The following RFX7 variants were observed in gnomAD, a reference collection of about 807,000 sequenced individuals.
RFX7 encodes the protein regulatory factor X7, also known as DNA-binding protein RFX7.
Under a neutral mutation model 111.8 loss-of-function variants are expected in RFX7, and 26 were observed. The ratio of observed to expected loss-of-function variants is 0.23; its 90% CI spans 0.17 to 0.32. RFX7 has a LOEUF of 0.32. Among genes scored for constraint, RFX7 ranks in the 10% least tolerant of loss-of-function variants. The probability of loss-of-function intolerance (pLI) is 1.00; values close to 1 mark genes in which losing one functional copy is unlikely to be tolerated. For synonymous variants in RFX7, 624 were observed against 624.4 expected (o/e 1.00, Z 0.01); for missense variants, 1,573 against 1,772.9 (o/e 0.89, Z 2.02).
chr15:56,102,503 T>C (rs2140527982), intron 6 of RFX7, among the ~76,000 whole-genome samples: 1 of 152,316 alleles, frequency 6.6e-6, no homozygotes, highest in South Asian at 2.1e-4. Context: ...CTGTTATAAA[T>C]TTTATGAATA....
In RFX7 at chr15:56,094,088, C is replaced by T. The variant is rs183583606; in HGVS notation, c.3640G>A (p.Ala1214Thr). The T allele has an allele frequency of 6.0e-4, 972 of 1,613,914 alleles. 1 individual carries two copies. The highest frequency in any genetic ancestry group is 7.1e-4 in the Non-Finnish European group (843 of 1,179,868). ...VHVFTNVHTD[A>T]CANNIAQRSQ... ...CTTTGAGCTATGTTGTTGGCACATGCGTCTGTGTGAACATTTGTGAAAACA... is the reference window on the plus strand; with the variant it reads ...CTTTGAGCTATGTTGTTGGCACATGTGTCTGTGTGAACATTTGTGAAAACA... The change falls in exon 10 of 10, where the codon GCA becomes ACA. Residue 1214 changes from alanine to threonine, a missense_variant. Physicochemically the swap from Ala to Thr is moderately conservative, Grantham distance 58. Around this residue, in one of 7 missense-constraint regions of RFX7, gnomAD observed 411 missense variants for 478.1 expected, o/e 0.86. Transcript: ENST00000559447.
At chr15:56,243,350 C>T (rs1204632220) in intron 1 of RFX7, 63 bp from the exon 2 acceptor site, 1 of 746,522 alleles carries the variant, frequency 1.3e-6, no homozygotes, top group African/African-American at 2.5e-5. Context: ...AGGGAAGAGA[C>T]CGGGAGGGGA....
intron 5 of RFX7, among the ~76,000 whole-genome samples, chr15:56,114,588 A>G (rs769087313): frequency 1.3e-5 from 2 of 152,294 alleles, no homozygotes; most frequent in South Asian, 2.1e-4. Context: ...TCATACTAAT[A>G]TATCACCTTT....
intron 2 of RFX7, among the ~76,000 whole-genome samples, chr15:56,199,133 A>C (rs1272691959): frequency 2.0e-5 from 3 of 152,206 alleles, no homozygotes; most frequent in Non-Finnish European, 2.9e-5. Context: ...GTTGATTTAA[A>C]CTGTGAAAAA....
chr15:56,118,640 G>C (rs72736494), intron 5 of RFX7, among the ~76,000 whole-genome samples: 2,976 of 152,284 alleles, frequency 0.02, 68 homozygotes, highest in Admixed American at 0.063. Context: ...ATTGGGAATA[G>C]TGCTGGGATA....
intron 2 of RFX7, among the ~76,000 whole-genome samples, chr15:56,188,934 G>A (rs565829279): frequency 6.6e-6 from 1 of 152,186 alleles, no homozygotes; most frequent in Non-Finnish European, 1.5e-5. Flanking sequence ...CGGGGTTCAA[G>A]TGATTCTCCT....
intron 5 of RFX7, among the ~76,000 whole-genome samples, chr15:56,105,917 G>A: frequency 6.6e-6 from 1 of 152,178 alleles, no homozygotes; most frequent in East Asian, 1.9e-4. Context: ...TCTCATTGGT[G>A]TAGAGAAATA....
intron 3 of RFX7, among the ~76,000 whole-genome samples, chr15:56,146,860 C>CA (rs1291674513): frequency 9.9e-5 from 15 of 151,560 alleles, no homozygotes; most frequent in African/African-American, 2.4e-4. Context: ...ATAAAGCAAA[C>CA]AAAAAAAATG....
chr15:56,155,108 T>G (rs1462870718), intron 3 of RFX7, among the ~76,000 whole-genome samples: 1 of 152,080 alleles, frequency 6.6e-6, no homozygotes, highest in Non-Finnish European at 1.5e-5. Flanking sequence ...ATGGCGATCA[T>G]TAAAAAGTCA....
chr15:56,161,249 A>G (rs1226688391), intron 3 of RFX7, among the ~76,000 whole-genome samples: 1 of 152,072 alleles, frequency 6.6e-6, no homozygotes, highest in Non-Finnish European at 1.5e-5. Context: ...AATTTACTGC[A>G]ACCTAAAAAC....
At chr15:56,127,720 G>A (rs1213072667) in intron 5 of RFX7, among the ~76,000 whole-genome samples, 1 of 151,670 alleles carries the variant, frequency 6.6e-6, no homozygotes, top group Non-Finnish European at 1.5e-5. Context: ...GCTAATTTTT[G>A]TATTTTCAGT....
intron 5 of RFX7, among the ~76,000 whole-genome samples, chr15:56,134,214 C>T (rs553618429): frequency 6.6e-6 from 1 of 152,208 alleles, no homozygotes; most frequent in Non-Finnish European, 1.5e-5. Context: ...CTTAACTTCT[C>T]TAGGTTTCAA....
At chr15:56,222,432 A>C (rs1055786321) in intron 2 of RFX7, among the ~76,000 whole-genome samples, 1 of 152,176 alleles carries the variant, frequency 6.6e-6, no homozygotes, top group African/African-American at 2.4e-5. Flanking sequence ...TTCAATAATC[A>C]TATCTTCAAA....
At chr15:56,226,133 T>A (rs1402838339) in intron 2 of RFX7, among the ~76,000 whole-genome samples, 1 of 152,142 alleles carries the variant, frequency 6.6e-6, no homozygotes, top group Non-Finnish European at 1.5e-5. Flanking sequence ...CTACAAACAC[T>A]CTGTACTACA....
intron 3 of RFX7, among the ~76,000 whole-genome samples, chr15:56,164,150 C>A (rs1280799219): frequency 6.6e-6 from 1 of 152,202 alleles, no homozygotes; most frequent in East Asian, 1.9e-4. Context: ...AAAGAGAAAA[C>A]AAATACCTAA....
chr15:56,125,023 T>C (rs182717344), intron 5 of RFX7, among the ~76,000 whole-genome samples: 1 of 152,208 alleles, frequency 6.6e-6, no homozygotes. Flanking sequence ...TTTGAGTTAA[T>C]TTTTGTATAG....
intron 2 of RFX7, among the ~76,000 whole-genome samples, chr15:56,194,560 T>C (rs774089266): frequency 6.6e-6 from 1 of 152,168 alleles, no homozygotes; most frequent in Non-Finnish European, 1.5e-5. Context: ...TTATACTTGC[T>C]TATATTAAAT....
intron 3 of RFX7, among the ~76,000 whole-genome samples, chr15:56,176,109 G>A (rs1208450249): frequency 6.6e-6 from 1 of 152,106 alleles, no homozygotes; most frequent in Non-Finnish European, 1.5e-5. Context: ...CAGACAACAG[G>A]AAATCTTAAT....
At chr15:56,136,355 G>A (rs1314681040) in intron 5 of RFX7, among the ~76,000 whole-genome samples, 1 of 143,084 alleles carries the variant, frequency 7.0e-6, no homozygotes, top group Non-Finnish European at 1.5e-5. Context: ...TGGATTCCTA[G>A]GTATTTTATT....
Sources: gnomAD v4.1 joint callset for allele counts (sites outside exome capture counted in the v4.1 genomes callset) on GRCh38, gnomAD v4.1.1 for gene constraint, gnomAD v4.1.1 regional missense constraint, MANE v1.5 for transcripts, NCBI Gene and HGNC (gene_info 2026-07-23, HGNC 2026-07-21) for gene names.